Variants in EPB41L1 observed in about 807,000 individuals in gnomAD.
The protein encoded by EPB41L1 is band 4.1-like protein 1.
In EPB41L1, 29 loss-of-function variants were observed where a neutral mutation model predicts 97.8. The ratio of observed to expected loss-of-function variants is 0.30; its 90% CI spans 0.22 to 0.40. The LOEUF is 0.40. Among genes scored for constraint, EPB41L1 ranks in the 10% least tolerant of loss-of-function variants. The probability of loss-of-function intolerance (pLI) is 1.00; values close to 1 mark genes in which losing one functional copy is unlikely to be tolerated. For synonymous variants in EPB41L1, 383 were observed against 459.2 expected, an observed-to-expected ratio of 0.83 and a Z score of 2.12; for missense variants, 812 against 1,162.3, an observed-to-expected ratio of 0.70 and a Z score of 4.38.
intron 2 of EPB41L1, among the ~76,000 whole-genome samples, chr20:36,115,756 G>A (rs1258688622): frequency 6.6e-6 from 1 of 152,156 alleles, no homozygotes; most frequent in East Asian, 1.9e-4. Context: ...GCCAGGCGTG[G>A]TGGAGCATGC....
intron 2 of EPB41L1, among the ~76,000 whole-genome samples, chr20:36,175,301 C>CT (rs2061180593): frequency 6.6e-6 from 1 of 152,160 alleles, no homozygotes; most frequent in Non-Finnish European, 1.5e-5. Context: ...CAGAGGATGC[C>CT]TATGGCAGCA....
chr20:36,183,035 C>T (rs927240030), intron 6 of EPB41L1, among the ~76,000 whole-genome samples: 3 of 152,282 alleles, frequency 2.0e-5, no homozygotes, highest in Middle Eastern at 3.4e-3. Context: ...ATAACATGGC[C>T]TGAAGATTGG....
rs1414315185 is a variant in EPB41L1, at chr20:36,219,758, C to T, written c.2356-3C>T. 4 of 1,614,090 alleles carry T rather than the reference C, an allele frequency of 2.5e-6. No individual in the cohort carries two copies. The highest frequency in any genetic ancestry group is 3.4e-6 in the Non-Finnish European group (4 of 1,179,960). On this transcript the variant is annotated splice_region_variant and splice_polypyrimidine_tract_variant and intron_variant, in intron 18 of 21. Coordinates refer to ENST00000338074, the MANE Select transcript of EPB41L1 (RefSeq NM_012156.2). ...CTGGGTGGGGGGTGGTTATATTCTG[C>T]AGATCATCGGGAAAGATGTCCTCAC... is the stretch of plus-strand genomic sequence containing the variant.
At chr20:36,221,130 C>G (rs1325079540) in intron 19 of EPB41L1, among the ~76,000 whole-genome samples, 1 of 152,220 alleles carries the variant, frequency 6.6e-6, no homozygotes, top group Non-Finnish European at 1.5e-5. Flanking sequence ...ACTGGGAGCC[C>G]CCTCTTCTTT....
intron 7 of EPB41L1, 111 bp from the exon 8 acceptor site, chr20:36,187,565 C>T (rs374892912): frequency 3.3e-5 from 28 of 859,196 alleles, no homozygotes; most frequent in Middle Eastern, 4.3e-4. Flanking sequence ...GGGTGAGGCT[C>T]AGCATATTTG....
intron 14 of EPB41L1, among the ~76,000 whole-genome samples, chr20:36,203,325 G>A (rs548105682): frequency 1.3e-5 from 2 of 152,234 alleles, no homozygotes; most frequent in African/African-American, 4.8e-5. Flanking sequence ...CTGAAATAAG[G>A]ATAACGATAT....
intron 12 of EPB41L1, 97 bp downstream of exon 12, chr20:36,194,457 G>A: frequency 2.1e-6 from 3 of 1,462,770 alleles, no homozygotes; most frequent in African/African-American, 2.8e-5. Context: ...TCCAGCTGTG[G>A]CCAAGCACCC....
At chr20:36,197,800 C>G in intron 13 of EPB41L1, 59 bp from the exon 14 acceptor site, 1 of 1,613,556 alleles carries the variant, frequency 6.2e-7, no homozygotes, top group Non-Finnish European at 8.5e-7. Context: ...ATCCCTGCAC[C>G]CTGCATCCCC....
At chr20:36,112,987 C>T (rs2058457481) in intron 2 of EPB41L1, among the ~76,000 whole-genome samples, 1 of 152,204 alleles carries the variant, frequency 6.6e-6, no homozygotes, top group Admixed American at 6.5e-5. Context: ...TTCAAACTTT[C>T]CAGCAGGGAA....
At chr20:36,094,763 G>A (rs772330484) in intron 1 of EPB41L1, among the ~76,000 whole-genome samples, 2 of 152,084 alleles carry the variant, frequency 1.3e-5, no homozygotes, top group Non-Finnish European at 2.9e-5. Flanking sequence ...CCAGAATCCC[G>A]GGACATGGGA....
At chr20:36,219,917 C>A in intron 19 of EPB41L1, 73 bp downstream of exon 19, 1 of 1,329,818 alleles carries the variant, frequency 7.5e-7, no homozygotes, top group South Asian at 1.2e-5. Flanking sequence ...TGTTCTGCTT[C>A]GGCTTCGCCA....
chr20:36,097,396 T>G (rs1324181551), intron 1 of EPB41L1, among the ~76,000 whole-genome samples: 1 of 152,228 alleles, frequency 6.6e-6, no homozygotes, highest in Non-Finnish European at 1.5e-5. Flanking sequence ...ACAGGATTGT[T>G]TTGATAATTA....
In EPB41L1 at chr20:36,205,484, C is replaced by G. The variant is rs1018033819; in HGVS notation, c.1669-4004C>G. On this transcript the variant is annotated intron_variant, in intron 14 of 21. Transcript: ENST00000338074. ...ACTCCATGTGATGGAAATGACTTTC[C>G]CCTCTGACGGTGGCAGTTATGTTAT... is the stretch of plus-strand genomic sequence containing the variant. Among the ~76,000 whole-genome samples, 4 of 152,128 alleles carry G rather than the reference C, an allele frequency of 2.6e-5. No individual in the cohort carries two copies. The South Asian group carries it at 6.2e-4, about 24-fold the overall frequency.
chr20:36,151,336 C>T (rs2060040884), upstream of EPB41L1: 1 of 152,246 alleles, frequency 6.6e-6, no homozygotes, highest in African/African-American at 2.4e-5. Flanking sequence ...CATCTGCTGA[C>T]CTCCCATCAC....
At chr20:36,187,274 T>C (rs1415517523) in intron 7 of EPB41L1, among the ~76,000 whole-genome samples, 1 of 152,234 alleles carries the variant, frequency 6.6e-6, no homozygotes, top group Non-Finnish European at 1.5e-5. Flanking sequence ...TACTAAATTC[T>C]GCAAGAAATA....
Position 36,195,389 on chromosome 20 carries a change from C to A in EPB41L1, c.1485+25C>A, listed in dbSNP as rs760247351. Reference sequence around the variant, plus strand: ...GGTACTGCATGGGACCTGTCCCTCCCTACCCAGCCGTTCCCATCCCTAGCT... The same window carrying A: ...GGTACTGCATGGGACCTGTCCCTCCATACCCAGCCGTTCCCATCCCTAGCT... On this transcript the variant is annotated intron_variant, in intron 13 of 21. Coordinates refer to ENST00000338074, the MANE Select transcript of EPB41L1 (RefSeq NM_012156.2). This position sits in a 1 kb window ranked among gnomAD's most constrained non-coding sequence, Gnocchi z 4.6. 57 of 1,613,904 alleles carry A rather than the reference C, an allele frequency of 3.5e-5. No individual in the cohort carries two copies. Among genetic ancestry groups the A allele is most frequent in the Non-Finnish European group, 4.7e-5 (56 of 1,179,860 alleles).
chr20:36,143,069 G>A (rs1000302749), intron 2 of EPB41L1, among the ~76,000 whole-genome samples: 8 of 152,038 alleles, frequency 5.3e-5, no homozygotes, highest in South Asian at 2.1e-4. Flanking sequence ...TGCCGGTTCC[G>A]AGTGACCGCA....
At position 36,187,778 on chromosome 20, in the gene EPB41L1, C is replaced by T. The variant is rs898593426; in HGVS notation, c.873+15C>T. ...ACCATGCCAAGGTACCACCAGCTTC[C>T]TGGGTTCCCCTAGTGTCTGGGTGGT... On this transcript the variant is annotated intron_variant, in intron 8 of 21. Transcript: ENST00000338074. 1.9e-6 allele frequency: 3 copies of T among 1,611,562 alleles called. No individual in the cohort carries two copies. The South Asian group carries it at 3.3e-5, about 18-fold the overall frequency.
Position 36,182,141 on chromosome 20 carries a change from C to A in EPB41L1, c.491-131C>A, listed in dbSNP as rs989506190. On this transcript the variant is annotated intron_variant, in intron 5 of 21. Transcript: ENST00000338074. ...AATCTGTCAAATGGGAATAATGTTC[C>A]AGCCTTCCTGATTGGATTGTCCTGA... 7.2e-5 allele frequency: 58 copies of A among 806,754 alleles called. No homozygotes were observed. In the South Asian group the frequency reaches 7.5e-4, roughly 10 times the overall value. The allele number at this position is 806,754 out of a possible 1,614,324, so 50.0% of individuals were successfully genotyped here.
Sources: gnomAD v4.1 joint callset for allele counts (sites outside exome capture counted in the v4.1 genomes callset) on GRCh38, gnomAD v4.1.1 for gene constraint, Gnocchi (gnomAD v3.1) non-coding constraint, MANE v1.5 for transcripts, NCBI Gene and HGNC (gene_info 2026-07-23, HGNC 2026-07-21) for gene names.